PLA2G4A: variants seen among roughly 807,000 people sequenced by gnomAD.
PLA2G4A encodes the protein phospholipase A2 group IVA, also known as cytosolic phospholipase A2.
Under a neutral mutation model 81.9 loss-of-function variants are expected in PLA2G4A, and 40 were observed. The observed-to-expected ratio is 0.49, with a 90% CI of 0.38 to 0.64. The LOEUF is 0.64. PLA2G4A is among the 30% of genes least tolerant of loss of function. The pLI is 0.00. For synonymous variants in PLA2G4A, 302 were observed against 296.9 expected, an observed-to-expected ratio of 1.02 and a Z score of -0.18; for missense variants, 715 against 905.1, an observed-to-expected ratio of 0.79 and a Z score of 2.69.
chr1:186,918,279 C>T (rs778755038), intron 7 of PLA2G4A, among the ~76,000 whole-genome samples: 12 of 152,292 alleles, frequency 7.9e-5, no homozygotes, highest in Non-Finnish European at 1.6e-4. Context: ...GCATGACTGC[C>T]ACCTTCTGAG....
Position 186,884,098 on chromosome 1 carries a change from C to T in PLA2G4A, c.116-8913C>T, listed in dbSNP as rs377428718. On this transcript the variant is annotated intron_variant, in intron 3 of 17. Coordinates refer to ENST00000367466, the MANE Select transcript of PLA2G4A (RefSeq NM_024420.3). ...TGGGGATTAAAAAATAAGAAATATC[C>T]GAGAGAAGCGGTATTGAGAGAAGAG... Among the ~76,000 whole-genome samples, 101 of 151,660 alleles carry T rather than the reference C, an allele frequency of 6.7e-4. No individual in the cohort carries two copies. The East Asian group carries it at 0.016, about 24-fold the overall frequency.
In PLA2G4A at chr1:186,988,631, G is replaced by T; in HGVS notation, c.*123G>T. On this transcript the variant is annotated 3_prime_UTR_variant, in exon 18 of 18. Coordinates refer to ENST00000367466, the MANE Select transcript of PLA2G4A (RefSeq NM_024420.3). The stretch of plus-strand genomic sequence containing the variant: ...CATGAGAGACTGGCTGATACTCAAA[G>T]TTGCAGTTACTTAGCTGCATGAGAA... The T allele has an allele frequency of 2.3e-6, 2 of 853,324 alleles. No individual in the cohort carries two copies. The highest frequency in any genetic ancestry group is 3.9e-6 in the Non-Finnish European group (2 of 506,894). 52.9% of individuals were successfully genotyped at this position (853,324 alleles called of 1,614,324 possible). A position where few individuals can be genotyped will look rare whatever the true frequency, so the allele number is the denominator to read the frequency against.
chr1:186,854,452 C>A lies in PLA2G4A; in HGVS notation c.33+65C>A, dbSNP rs936822826. 6.7e-6 allele frequency: 7 copies of A among 1,037,580 alleles called. No homozygotes were observed. In the East Asian group the frequency reaches 1.7e-4, roughly 25 times the overall value. The allele number at this position is 1,037,580 out of a possible 1,614,324, so 64.3% of individuals were successfully genotyped here. Reference sequence around the variant, plus strand: ...GTCTGATATGTTTCTGTGAATATTGCGGGTGTTGCTAGTAAAGTCAAACTG... The same window carrying A: ...GTCTGATATGTTTCTGTGAATATTGAGGGTGTTGCTAGTAAAGTCAAACTG... On this transcript the variant is annotated intron_variant, in intron 2 of 17. Transcript: ENST00000367466.
chr1:186,871,302 G>A (rs976388422), intron 3 of PLA2G4A, among the ~76,000 whole-genome samples: 16 of 152,076 alleles, frequency 1.1e-4, no homozygotes, highest in East Asian at 1.9e-4. Context: ...ATTGGAATTC[G>A]TGCAAGTGGG....
At chr1:186,835,635 T>A (rs1651751215) in intron 1 of PLA2G4A, among the ~76,000 whole-genome samples, 1 of 152,312 alleles carries the variant, frequency 6.6e-6, no homozygotes, top group African/African-American at 2.4e-5. Context: ...GTGGATGAAT[T>A]TTAAATTTGC....
At chr1:186,960,668 A>G (rs1656911660) in intron 14 of PLA2G4A, among the ~76,000 whole-genome samples, 1 of 152,204 alleles carries the variant, frequency 6.6e-6, no homozygotes, top group South Asian at 2.1e-4. Flanking sequence ...AAAGGAGACT[A>G]GCTTATATTT....
At chr1:186,880,224 A>G (rs1653678753) in intron 3 of PLA2G4A, among the ~76,000 whole-genome samples, 1 of 152,038 alleles carries the variant, frequency 6.6e-6, no homozygotes, top group Non-Finnish European at 1.5e-5. Context: ...TTACAGCTTG[A>G]ATGTAGATTG....
At chr1:186,870,005 T>C (rs1013311349) in intron 2 of PLA2G4A, among the ~76,000 whole-genome samples, 11 of 152,226 alleles carry the variant, frequency 7.2e-5, no homozygotes, top group Non-Finnish European at 1.0e-4. Flanking sequence ...AAAGCTGTAC[T>C]GGAAATGTCA....
Position 186,854,339 on chromosome 1 carries a change from T to A in PLA2G4A, c.-16T>A, listed in dbSNP as rs1239548718. On this transcript the variant is annotated 5_prime_UTR_variant, in exon 2 of 18. Transcript: ENST00000367466. ...GACTTTGAAGTGTGAAAACATTTCCTGTAATTGAAACCAAAATGTCATTTA... is the reference window on the plus strand; with the variant it reads ...GACTTTGAAGTGTGAAAACATTTCCAGTAATTGAAACCAAAATGTCATTTA... 1 of 1,513,030 alleles carries A rather than the reference T, an allele frequency of 6.6e-7. No individual in the cohort carries two copies. Among genetic ancestry groups the A allele is most frequent in the Non-Finnish European group, 9.2e-7 (1 of 1,088,736 alleles). 93.7% of individuals were successfully genotyped at this position (1,513,030 alleles called of 1,614,324 possible).
At chr1:186,941,129 AAG>A (rs1236708695) in intron 10 of PLA2G4A, among the ~76,000 whole-genome samples, 7 of 151,810 alleles carry the variant, frequency 4.6e-5, no homozygotes, top group African/African-American at 1.4e-4. Context: ...AAAAAAAAAA[AAG>A]GGCACAACAG....
chr1:186,915,957 T>G (rs763153548), intron 7 of PLA2G4A, among the ~76,000 whole-genome samples: 21 of 152,148 alleles, frequency 1.4e-4, no homozygotes, highest in Non-Finnish European at 2.9e-4. Flanking sequence ...CATCAGGAAC[T>G]GGGTCTACAG....
chr1:186,894,862 A>G (rs1654278267), intron 5 of PLA2G4A, among the ~76,000 whole-genome samples: 1 of 152,220 alleles, frequency 6.6e-6, no homozygotes, highest in Non-Finnish European at 1.5e-5. Context: ...GAATTCTGTA[A>G]GAAACTAATT....
chr1:186,830,941 GCTTGCTTGCTTGCTTGCTTTCTTTCTTT>G (rs202093374), intron 1 of PLA2G4A, among the ~76,000 whole-genome samples: 3,612 of 86,578 alleles, frequency 0.042, 72 homozygotes, highest in East Asian at 0.086. Context: ...TGTATAGCTT[GCTTGCTTGCTTGCTTGCTTTCTTTCTTT>G]CTTTCTTTCT....
At chr1:186,931,782 T>C (rs1655755724) in intron 7 of PLA2G4A, among the ~76,000 whole-genome samples, 1 of 152,138 alleles carries the variant, frequency 6.6e-6, no homozygotes, top group Non-Finnish European at 1.5e-5. Context: ...TGCATTCATG[T>C]TGTATATTCA....
intron 7 of PLA2G4A, among the ~76,000 whole-genome samples, chr1:186,927,582 T>G (rs76137871): frequency 3.3e-5 from 5 of 152,324 alleles, no homozygotes; most frequent in Non-Finnish European, 7.3e-5. Context: ...ATTCTTCTTG[T>G]CATCAGAGTG....
intron 3 of PLA2G4A, among the ~76,000 whole-genome samples, chr1:186,885,569 C>A (rs1011244755): frequency 6.6e-6 from 1 of 152,034 alleles, no homozygotes; most frequent in African/African-American, 2.4e-5. Context: ...AAATATTCAG[C>A]GGCTTATAGA....
intron 2 of PLA2G4A, among the ~76,000 whole-genome samples, chr1:186,860,617 G>A (rs1193603529): frequency 6.6e-6 from 1 of 152,092 alleles, no homozygotes; most frequent in African/African-American, 2.4e-5. Context: ...TGTTTAATCT[G>A]GACAACACAT....
At chr1:186,896,263 T>G (rs535179822) in intron 5 of PLA2G4A, among the ~76,000 whole-genome samples, 1 of 152,334 alleles carries the variant, frequency 6.6e-6, no homozygotes, top group East Asian at 1.9e-4. Context: ...AAATGTTACT[T>G]GTCATTGTTG....
At chr1:186,937,419 A>G (rs1655991338) in intron 8 of PLA2G4A, among the ~76,000 whole-genome samples, 1 of 148,774 alleles carries the variant, frequency 6.7e-6, no homozygotes, top group Non-Finnish European at 1.5e-5. Flanking sequence ...TGAACTGTGT[A>G]TCTTTCAAGT....
Sources: allele counts gnomAD v4.1 joint callset (sites outside exome capture counted in the v4.1 genomes callset), GRCh38; gene constraint gnomAD v4.1.1; transcripts MANE v1.5; gene names NCBI Gene and HGNC (gene_info 2026-07-23, HGNC 2026-07-21).